Variants in LINGO2 observed in about 807,000 individuals in gnomAD.
LINGO2 encodes the protein leucine-rich repeat and immunoglobulin-like domain-containing nogo receptor-interacting protein 2.
In LINGO2, 14 loss-of-function variants were observed where a neutral mutation model predicts 30.6. The ratio of observed to expected loss-of-function variants is 0.46; its 90% CI spans 0.30 to 0.72. LINGO2 has a LOEUF of 0.72. Among genes scored for constraint, LINGO2 ranks in the 30% least tolerant of loss-of-function variants. The pLI is 0.07. For missense variants in LINGO2, 729 were observed against 751.7 expected, an observed-to-expected ratio of 0.97 and a Z score of 0.35; for synonymous variants, 317 against 288.5, an observed-to-expected ratio of 1.10 and a Z score of -1.00.
intron 4 of LINGO2, among the ~76,000 whole-genome samples, chr9:28,090,564 A>G (rs10757711): frequency 0.98 from 149,657 of 152,220 alleles, 73,621 homozygotes; most frequent in Middle Eastern, 1. Flanking sequence ...GGGACGTATC[A>G]CAAAATAATA....
At chr9:28,860,118 T>C in the LINGO2 span, among the ~76,000 whole-genome samples, 5 of 152,074 alleles carry the variant, frequency 3.3e-5, no homozygotes, top group Non-Finnish European at 7.4e-5. Context: ...GGAAAATAAT[T>C]AAGAAAATCT....
intron 2 of LINGO2, among the ~76,000 whole-genome samples, chr9:28,410,445 C>T (rs1822715820): frequency 6.6e-6 from 1 of 152,094 alleles, no homozygotes; most frequent in Non-Finnish European, 1.5e-5. Flanking sequence ...TGTTCCCCTG[C>T]TCCCCTAAAC....
chr9:28,439,645 C>A (rs1292038747), intron 2 of LINGO2, among the ~76,000 whole-genome samples: 1 of 152,216 alleles, frequency 6.6e-6, no homozygotes, highest in South Asian at 2.1e-4. Flanking sequence ...TCATATAGGA[C>A]GTGCTGGCTT....
chr9:28,366,761 T>C (rs1174836897), intron 3 of LINGO2, among the ~76,000 whole-genome samples: 1 of 152,072 alleles, frequency 6.6e-6, no homozygotes, highest in Non-Finnish European at 1.5e-5. Flanking sequence ...TTAAATACAT[T>C]TAAATTTTGC....
chr9:28,355,309 CTCTCTCTCTCTCTCTCTG>C (rs1820139306), intron 3 of LINGO2, among the ~76,000 whole-genome samples: 1 of 46,030 alleles, frequency 2.2e-5, no homozygotes, highest in African/African-American at 5.0e-5. Context: ...GTCTCTCTCT[CTCTCTCTCTCTCTCTCTG>C]TCTCTGTCTC....
intron 1 of LINGO2, among the ~76,000 whole-genome samples, chr9:28,531,274 C>G (rs1821227867): frequency 6.6e-6 from 1 of 152,002 alleles, no homozygotes; most frequent in Admixed American, 6.6e-5. Flanking sequence ...TTACAAGTAT[C>G]CCAGGGCCAC....
At chr9:28,560,753 A>T (rs957585943) in intron 1 of LINGO2, among the ~76,000 whole-genome samples, 27 of 151,428 alleles carry the variant, frequency 1.8e-4, no homozygotes, top group African/African-American at 6.5e-4. Context: ...TGCATCTTCC[A>T]CCTCCCCAGC....
chr9:28,506,400 AT>A (rs1820112378), intron 1 of LINGO2, among the ~76,000 whole-genome samples: 1 of 5,974 alleles, frequency 1.7e-4, no homozygotes, highest in Admixed American at 1.7e-3. Flanking sequence ...CTTCTTAGAC[AT>A]ATATATATAT....
the LINGO2 span, among the ~76,000 whole-genome samples, chr9:28,834,403 G>C: frequency 6.6e-6 from 1 of 152,098 alleles, no homozygotes; most frequent in Admixed American, 6.5e-5. Flanking sequence ...TTTCAATGTT[G>C]CTATGTATCT....
intron 3 of LINGO2, among the ~76,000 whole-genome samples, chr9:28,362,221 T>TGTGTGTGTGTGCGCGTGCGC (rs1324652541): frequency 6.6e-6 from 1 of 151,748 alleles, no homozygotes; most frequent in Non-Finnish European, 1.5e-5. Context: ...TGTATGTGTG[T>TGTGTGTGTGTGCGCGTGCGC]GTGTGTGTGC....
At chr9:28,024,455 T>TG (rs1823279745) in intron 4 of LINGO2, among the ~76,000 whole-genome samples, 1 of 152,314 alleles carries the variant, frequency 6.6e-6, no homozygotes, top group South Asian at 2.1e-4. Context: ...GCTCAGTTTG[T>TG]GGGGAACATT....
chr9:28,089,243 C>T (rs1419514623), intron 4 of LINGO2, among the ~76,000 whole-genome samples: 1 of 152,130 alleles, frequency 6.6e-6, no homozygotes, highest in East Asian at 1.9e-4. Flanking sequence ...ACTCTCCACC[C>T]CAAATCAACA....
At chr9:28,979,691 T>A in the LINGO2 span, among the ~76,000 whole-genome samples, 1 of 150,556 alleles carries the variant, frequency 6.6e-6, no homozygotes, top group Admixed American at 6.6e-5. Flanking sequence ...AATCTATACA[T>A]TGATGCTACA....
At chr9:28,741,852 G>A in the LINGO2 span, among the ~76,000 whole-genome samples, 5 of 151,696 alleles carry the variant, frequency 3.3e-5, no homozygotes, top group South Asian at 1.0e-3. Flanking sequence ...TGGGCTGTCT[G>A]AAATCGGAGT....
At chr9:28,360,388 T>A (rs986389353) in intron 3 of LINGO2, among the ~76,000 whole-genome samples, 5 of 152,202 alleles carry the variant, frequency 3.3e-5, no homozygotes, top group Admixed American at 2.0e-4. Flanking sequence ...AAGTATAATT[T>A]AACTTATACC....
the LINGO2 span, among the ~76,000 whole-genome samples, chr9:28,895,839 G>C: frequency 4.0e-5 from 6 of 151,794 alleles, no homozygotes; most frequent in African/African-American, 1.2e-4. Flanking sequence ...CAGATTTGAG[G>C]GGAAAAAAAA....
intron 2 of LINGO2, among the ~76,000 whole-genome samples, chr9:28,404,485 TTC>T (rs1317814502): frequency 6.6e-6 from 1 of 152,186 alleles, no homozygotes; most frequent in African/African-American, 2.4e-5. Context: ...AAAAAGAATA[TTC>T]TGTCAGAAAT....
intron 1 of LINGO2, among the ~76,000 whole-genome samples, chr9:28,663,172 TTTG>T (rs908342426): frequency 9.2e-5 from 14 of 152,082 alleles, no homozygotes; most frequent in African/African-American, 3.1e-4. Flanking sequence ...TGTATTTTTT[TTTG>T]TTGTTGTTGG....
At chr9:29,158,424 A>G in the LINGO2 span, among the ~76,000 whole-genome samples, 1 of 152,276 alleles carries the variant, frequency 6.6e-6, no homozygotes, top group Admixed American at 6.5e-5. Context: ...TACTCATTCT[A>G]TTAATAACTA....
Sources: gnomAD v4.1 joint callset for allele counts (sites outside exome capture counted in the v4.1 genomes callset) on GRCh38, gnomAD v4.1.1 for gene constraint, MANE v1.5 for transcripts, NCBI Gene and HGNC (gene_info 2026-07-23, HGNC 2026-07-21) for gene names.